Variants in RAPGEF5 observed in about 807,000 individuals in gnomAD.
The protein encoded by RAPGEF5 is Rap guanine nucleotide exchange factor 5, also known as M-Ras-regulated GEF.
A neutral mutation model predicts 125.2 loss-of-function variants in RAPGEF5; 65 were observed. The ratio of observed to expected loss-of-function variants is 0.52; its 90% CI spans 0.43 to 0.64. The LOEUF (loss-of-function observed/expected upper bound fraction) is 0.64, where lower values mean the gene tolerates loss of function less well. Among genes scored for constraint, RAPGEF5 ranks in the 30% least tolerant of loss-of-function variants. The pLI, the probability that RAPGEF5 is intolerant of heterozygous loss-of-function variation, is 0.00. For missense variants in RAPGEF5, 958 were observed against 1,048.1 expected, an observed-to-expected ratio of 0.91 and a Z score of 1.19; for synonymous variants, 391 against 385.9, an observed-to-expected ratio of 1.01 and a Z score of -0.16.
intron 7 of RAPGEF5, among the ~76,000 whole-genome samples, chr7:22,247,703 T>G (rs1012901747): frequency 6.6e-6 from 1 of 151,660 alleles, no homozygotes; most frequent in Non-Finnish European, 1.5e-5. Flanking sequence ...GAAAATGCAC[T>G]AATATAAATA....
chr7:22,198,791 C>G (rs1785209706), intron 9 of RAPGEF5, among the ~76,000 whole-genome samples: 1 of 152,196 alleles, frequency 6.6e-6, no homozygotes, highest in Non-Finnish European at 1.5e-5. Context: ...TTTACCTAAT[C>G]ACTATAATGA....
At chr7:22,166,378 T>G (rs928344122) in intron 12 of RAPGEF5, among the ~76,000 whole-genome samples, 2 of 152,168 alleles carry the variant, frequency 1.3e-5, no homozygotes, top group African/African-American at 2.4e-5. Context: ...CTGAATACAT[T>G]AAATACTGTG....
At chr7:22,205,100 T>C (rs1330320208) in intron 9 of RAPGEF5, among the ~76,000 whole-genome samples, 1 of 152,202 alleles carries the variant, frequency 6.6e-6, no homozygotes, top group African/African-American at 2.4e-5. Flanking sequence ...AATATTAATG[T>C]GCACCTGGAG....
At position 22,167,166 on chromosome 7, in the gene RAPGEF5, A is replaced by AG. The variant is rs750880430; in HGVS notation, c.1205-19_1205-18insC. Reference sequence around the variant, plus strand: ...GAGGGTCTCTGCAAAGAAAAAAAAAACAAACACAAGGTAAGCAAAGAGGTG... The same window carrying AG: ...GAGGGTCTCTGCAAAGAAAAAAAAAAGCAAACACAAGGTAAGCAAAGAGGTG... On this transcript the variant is annotated intron_variant, in intron 11 of 25. Coordinates refer to ENST00000665637, the MANE Select transcript of RAPGEF5 (RefSeq NM_012294.5). 39 of 1,595,106 alleles carry AG rather than the reference A, an allele frequency of 2.4e-5. No homozygotes were observed. Among genetic ancestry groups the AG allele is most frequent in the Non-Finnish European group, 3.2e-5 (37 of 1,164,844 alleles).
chr7:22,274,872 A>C (rs914777958), intron 6 of RAPGEF5, among the ~76,000 whole-genome samples: 3 of 152,198 alleles, frequency 2.0e-5, no homozygotes, highest in Non-Finnish European at 4.4e-5. Context: ...TTTCCCAAAA[A>C]ACTCTTCAAA....
chr7:22,232,001 T>A (rs1359517444), intron 7 of RAPGEF5, among the ~76,000 whole-genome samples: 4 of 152,188 alleles, frequency 2.6e-5, no homozygotes. Context: ...TAGGTGACTG[T>A]TGCTGTAATG....
chr7:22,126,081 C>CG (rs1161593691), intron 24 of RAPGEF5, among the ~76,000 whole-genome samples: 1 of 152,026 alleles, frequency 6.6e-6, no homozygotes, highest in African/African-American at 2.4e-5. Context: ...ACCTGGGAGG[C>CG]GGAGGTGCAG....
chr7:22,292,548 G>GGAT (rs1782958680), intron 5 of RAPGEF5, among the ~76,000 whole-genome samples: 1 of 152,266 alleles, frequency 6.6e-6, no homozygotes, highest in Admixed American at 6.5e-5. Flanking sequence ...AAGGTTACCT[G>GGAT]GATGATGAGT....
intron 12 of RAPGEF5, among the ~76,000 whole-genome samples, chr7:22,165,282 G>A (rs1784127293): frequency 6.6e-6 from 1 of 152,118 alleles, no homozygotes; most frequent in Non-Finnish European, 1.5e-5. Context: ...ATTATTAAAT[G>A]ACAATCACAA....
chr7:22,196,056 G>C lies in RAPGEF5; in HGVS notation c.997-2023C>G, dbSNP rs1165612305. Among the ~76,000 whole-genome samples, 8 of 152,244 alleles carry C rather than the reference G, an allele frequency of 5.3e-5. No homozygotes were observed. In the East Asian group the frequency reaches 1.5e-3, roughly 29 times the overall value. On this transcript the variant is annotated intron_variant, in intron 9 of 25. Coordinates refer to ENST00000665637, the MANE Select transcript of RAPGEF5 (RefSeq NM_012294.5). ...ACAGCAGCCACACTCTGCCAGGCAGGGGAAGAGCTGAATCATATTGATGTA... is the reference window on the plus strand; with the variant it reads ...ACAGCAGCCACACTCTGCCAGGCAGCGGAAGAGCTGAATCATATTGATGTA...
chr7:22,287,605 G>T (rs1782827214), intron 6 of RAPGEF5, among the ~76,000 whole-genome samples: 1 of 152,134 alleles, frequency 6.6e-6, no homozygotes, highest in East Asian at 1.9e-4. Context: ...GAGTACACTG[G>T]CAACTCTGCA....
intron 5 of RAPGEF5, among the ~76,000 whole-genome samples, chr7:22,299,574 T>C (rs779128674): frequency 3.7e-4 from 57 of 152,328 alleles, no homozygotes; most frequent in Non-Finnish European, 3.4e-4. Flanking sequence ...CTACCACTTA[T>C]GTAGCTTTTC....
chr7:22,131,325 TACTG>T (rs1325976549), intron 23 of RAPGEF5, among the ~76,000 whole-genome samples: 1 of 152,198 alleles, frequency 6.6e-6, no homozygotes, highest in African/African-American at 2.4e-5. Flanking sequence ...AGTGTGACCT[TACTG>T]AAAGTATATA....
intron 7 of RAPGEF5, among the ~76,000 whole-genome samples, chr7:22,266,103 GGAAAAA>G (rs1333250921): frequency 6.6e-6 from 1 of 152,086 alleles, no homozygotes; most frequent in East Asian, 1.9e-4. Flanking sequence ...GTTTCTAACT[GGAAAAA>G]GAAAGATATA....
chr7:22,328,877 A>G (rs1783861090), intron 1 of RAPGEF5, among the ~76,000 whole-genome samples: 1 of 152,218 alleles, frequency 6.6e-6, no homozygotes, highest in Admixed American at 6.5e-5. Context: ...CAAAGAGGCC[A>G]ACAAAAGAGT....
chr7:22,353,525 G>A (rs1784367022), intron 1 of RAPGEF5, among the ~76,000 whole-genome samples: 2 of 152,176 alleles, frequency 1.3e-5, no homozygotes, highest in Admixed American at 1.3e-4. Flanking sequence ...AAAGTGTATG[G>A]AGGGGGAAAA....
intron 5 of RAPGEF5, among the ~76,000 whole-genome samples, chr7:22,307,494 G>A (rs1783369827): frequency 6.6e-6 from 1 of 151,874 alleles, no homozygotes; most frequent in East Asian, 1.9e-4. Context: ...TAGGGTCACT[G>A]CCTGGGAGAC....
chr7:22,285,599 A>C (rs1370219977), intron 6 of RAPGEF5, among the ~76,000 whole-genome samples: 1 of 152,224 alleles, frequency 6.6e-6, no homozygotes, highest in African/African-American at 2.4e-5. Context: ...CAAATTGTAG[A>C]GTCACCAAGA....
At chr7:22,208,064 G>T (rs73683322) in intron 9 of RAPGEF5, among the ~76,000 whole-genome samples, 156 of 152,116 alleles carry the variant, frequency 1.0e-3, no homozygotes, top group African/African-American at 3.7e-3. Flanking sequence ...TTCCTGTCTG[G>T]GTTTTCACAT....
Sources: allele counts gnomAD v4.1 joint callset (sites outside exome capture counted in the v4.1 genomes callset), GRCh38; gene constraint gnomAD v4.1.1; transcripts MANE v1.5; gene names NCBI Gene and HGNC (gene_info 2026-07-23, HGNC 2026-07-21).